ALMS1: variants seen among roughly 807,000 people sequenced by gnomAD.
ALMS1 encodes the protein centrosome-associated protein ALMS1.
A neutral mutation model predicts 352.2 loss-of-function variants in ALMS1; 271 were observed. The observed-to-expected ratio is 0.77, with a 90% CI of 0.70 to 0.85. ALMS1 has a LOEUF of 0.85. ALMS1 is among the 40% of genes least tolerant of loss of function. The probability of loss-of-function intolerance (pLI) is 0.00; values close to 1 mark genes in which losing one functional copy is unlikely to be tolerated. For missense variants in ALMS1, 5,445 were observed against 4,870.7 expected (o/e 1.12, Z -3.51); for synonymous variants, 1,865 against 1,761.2 (o/e 1.06, Z -1.48).
Position 73,448,454 on chromosome 2 carries a change from G to C in ALMS1, c.1927G>C (p.Glu643Gln). 1.2e-6 allele frequency: 2 copies of C among 1,613,892 alleles called. No individual in the cohort carries two copies. The change falls in exon 8 of 23, where the codon GAA (glutamate) becomes CAA (glutamine). Residue 643 changes from glutamate (E) to glutamine (Q), a missense_variant. By Grantham distance (29) the Glu-to-Gln change is conservative (BLOSUM62 2). Transcript: ENST00000613296. ...QQELPESNLT[E>Q]EPLEVSAAPG... ...AGAGTTACCAGAGAGTAACTTAACC[G>C]AAGAGCCTTTGGAAGTTTCAGCTGC...
chr2:73,532,103 G>A (rs1340192637), intron 11 of ALMS1, among the ~76,000 whole-genome samples: 4 of 152,234 alleles, frequency 2.6e-5, no homozygotes. Context: ...CCAAAGAAAT[G>A]GAGTCTGTCT....
At chr2:73,402,160 A>G (rs1670885723) in intron 1 of ALMS1, among the ~76,000 whole-genome samples, 1 of 151,590 alleles carries the variant, frequency 6.6e-6, no homozygotes, top group Non-Finnish European at 1.5e-5. Context: ...GAGTGCAGGT[A>G]TCTGTATGAG....
Position 73,386,048 on chromosome 2 carries a change from C to A in ALMS1, c.180C>A (p.Tyr60Ter). ...GGGAGTTGGACTCCGACTCTCACTACGGGCCCCAGCATCTGGAAAGTATAG... is the reference window on the plus strand; with the variant it reads ...GGGAGTTGGACTCCGACTCTCACTAAGGGCCCCAGCATCTGGAAAGTATAG... Reference protein sequence around the residue: ...AGRELDSDSHYGPQHLESIDD... With the variant: ...AGRELDSDSH Residue 60 changes from tyrosine (Y) to a stop codon, truncating the protein, a stop_gained, in exon 1 of 23, where the codon TAC (tyrosine) becomes TAA (stop). Transcript: ENST00000613296. LOFTEE classifies it high-confidence loss of function. 9 of 1,578,844 alleles carry A rather than the reference C, an allele frequency of 5.7e-6. No individual in the cohort carries two copies. Among genetic ancestry groups the A allele is most frequent in the Non-Finnish European group, 6.9e-6 (8 of 1,162,894 alleles).
chr2:73,395,076 A>ATTTTTTTTTTTTTTTTTTTTTT (rs1343952124), intron 1 of ALMS1, among the ~76,000 whole-genome samples: 1 of 108,300 alleles, frequency 9.2e-6, no homozygotes, highest in Non-Finnish European at 1.8e-5. Context: ...ATATATATAT[A>ATTTTTTTTTTTTTTTTTTTTTT]TATTTTTTTT....
intron 7 of ALMS1, among the ~76,000 whole-genome samples, chr2:73,440,066 C>T (rs1255181899): frequency 5.3e-5 from 8 of 151,938 alleles, no homozygotes; most frequent in East Asian, 1.9e-4. Context: ...CTGCAAGCTC[C>T]GCCTCCCGGG....
At chr2:73,394,505 A>C (rs1258492874) in intron 1 of ALMS1, among the ~76,000 whole-genome samples, 1 of 152,038 alleles carries the variant, frequency 6.6e-6, no homozygotes, top group African/African-American at 2.4e-5. Context: ...GCACACCACC[A>C]TCCCTGGTTT....
chr2:73,571,804 T>G lies in ALMS1; in HGVS notation c.10385-458T>G, dbSNP rs77765689. On this transcript the variant is annotated intron_variant, in intron 15 of 22. Transcript: ENST00000613296. Reference sequence around the variant, plus strand: ...TCTAAAACATGTAAAAAGGGTTTTTTAAAAAATTTATCCATTTAATTACTG... The same window carrying G: ...TCTAAAACATGTAAAAAGGGTTTTTGAAAAAATTTATCCATTTAATTACTG... 2.7e-3 allele frequency among the ~76,000 whole-genome samples: 405 copies of G among 152,224 alleles called. 3 individuals are homozygous for G. The highest frequency in any genetic ancestry group is 7.8e-3 in the Admixed American group (120 of 15,292).
At chr2:73,529,044 T>G (rs1344173603) in intron 11 of ALMS1, among the ~76,000 whole-genome samples, 3 of 144,656 alleles carry the variant, frequency 2.1e-5, no homozygotes, top group African/African-American at 5.1e-5. Flanking sequence ...AAGCAGTTTT[T>G]TTTTTTTTTT....
chr2:73,555,020 C>A (rs1190056029), intron 13 of ALMS1, among the ~76,000 whole-genome samples: 1 of 151,894 alleles, frequency 6.6e-6, no homozygotes, highest in Non-Finnish European at 1.5e-5. Context: ...TATATTAAGA[C>A]CTAAATAGTT....
intron 10 of ALMS1, among the ~76,000 whole-genome samples, chr2:73,497,001 C>G (rs1673120465): frequency 6.6e-6 from 1 of 152,102 alleles, no homozygotes; most frequent in Non-Finnish European, 1.5e-5. Flanking sequence ...CAGTATGCGA[C>G]TTGTCTTCTT....
chr2:73,599,476 T>G lies in ALMS1; in HGVS notation c.11623T>G (p.Cys3875Gly). Residue 3875 changes from cysteine to glycine, a missense_variant, in exon 17 of 23, where the codon TGC (cysteine) becomes GGC (glycine). Physicochemically the swap from Cys to Gly is radical, Grantham distance 159 (BLOSUM62 -3). Transcript: ENST00000613296. ...TTTCCTGAGCTCAAACTCTACTTTT[T>G]GCAACAAGCAGAATGTACACATGTT... Reference protein sequence around the residue: ...SSFLSSNSTFCNKQNVHMLNK... With the variant: ...SSFLSSNSTFGNKQNVHMLNK... 1.2e-6 allele frequency: 2 copies of G among 1,613,720 alleles called. No homozygotes were observed. Among genetic ancestry groups the G allele is most frequent in the Non-Finnish European group, 1.7e-6 (2 of 1,179,744 alleles).
At chr2:73,464,693 A>G (rs1672289986) in intron 9 of ALMS1, among the ~76,000 whole-genome samples, 1 of 152,158 alleles carries the variant, frequency 6.6e-6, no homozygotes, top group Admixed American at 6.6e-5. Context: ...ATATCTAGAA[A>G]ACCCCGTTGT....
intron 10 of ALMS1, among the ~76,000 whole-genome samples, chr2:73,516,049 C>T (rs1340810199): frequency 6.6e-6 from 1 of 151,992 alleles, no homozygotes; most frequent in African/African-American, 2.4e-5. Context: ...AACTGTGCAT[C>T]CAACAAAGGT....
In ALMS1 at chr2:73,601,568, C is replaced by T. The variant is rs1043055999; in HGVS notation, c.12114+132C>T. ...GCTCTTTTCCAGCACCTCCGCAGTT[C>T]ACCTGTTTTCACGCACGAGGGTTGG... On this transcript the variant is annotated intron_variant, in intron 19 of 22. Coordinates refer to ENST00000613296, the MANE Select transcript of ALMS1 (RefSeq NM_001378454.1). 4.7e-5 allele frequency: 65 copies of T among 1,378,968 alleles called. No homozygotes were observed. In the African/African-American group the frequency reaches 8.4e-4, roughly 18 times the overall value. 85.4% of individuals were successfully genotyped at this position (1,378,968 alleles called of 1,614,324 possible).
intron 15 of ALMS1, 148 bp downstream of exon 15, chr2:73,559,290 T>C (rs900984427): frequency 3.4e-6 from 3 of 875,928 alleles, no homozygotes; most frequent in Non-Finnish European, 3.5e-6. Context: ...TTGTGTAAAG[T>C]ACTTTGATGC....
intron 9 of ALMS1, among the ~76,000 whole-genome samples, chr2:73,467,511 T>TA (rs1411315208): frequency 2.6e-5 from 4 of 152,066 alleles, no homozygotes; most frequent in Non-Finnish European, 5.9e-5. Context: ...GATGGGAAGG[T>TA]AAACTGGTAC....
chr2:73,441,683 A>G (rs1671722012), intron 7 of ALMS1, among the ~76,000 whole-genome samples: 1 of 152,056 alleles, frequency 6.6e-6, no homozygotes, highest in Non-Finnish European at 1.5e-5. Context: ...AGCCTCAGAT[A>G]TAAGAGAGTT....
At chr2:73,563,097 A>T (rs534330681) in intron 15 of ALMS1, among the ~76,000 whole-genome samples, 149 of 142,556 alleles carry the variant, frequency 1.0e-3, no homozygotes, top group South Asian at 3.8e-3. Flanking sequence ...CACCTATATT[A>T]AAAAAAAAAA....
chr2:73,432,797 C>T (rs1671526605), intron 7 of ALMS1, among the ~76,000 whole-genome samples: 1 of 152,074 alleles, frequency 6.6e-6, no homozygotes, highest in South Asian at 2.1e-4. Flanking sequence ...ATCACAAGTC[C>T]CCTGATGTTT....
Sources: allele counts gnomAD v4.1 joint callset (sites outside exome capture counted in the v4.1 genomes callset), GRCh38; gene constraint gnomAD v4.1.1; transcripts MANE v1.5; gene names NCBI Gene and HGNC (gene_info 2026-07-23, HGNC 2026-07-21).